Variants in VPS41 observed in about 807,000 individuals in gnomAD.
The protein encoded by VPS41 is vacuolar protein sorting-associated protein 41 homolog.
Under a neutral mutation model 130.9 loss-of-function variants are expected in VPS41, and 85 were observed. The ratio of observed to expected loss-of-function variants is 0.65; its 90% CI spans 0.55 to 0.78. VPS41 has a LOEUF of 0.78. Among genes scored for constraint, VPS41 ranks in the 30% least tolerant of loss-of-function variants. VPS41 has a pLI of 0.00. For missense variants in VPS41, 874 were observed against 1,018.7 expected (o/e 0.86, Z 1.93); for synonymous variants, 335 against 332.9 (o/e 1.01, Z -0.07).
intron 2 of VPS41, among the ~76,000 whole-genome samples, chr7:38,896,626 C>A (rs1787000246): frequency 6.6e-6 from 1 of 152,122 alleles, no homozygotes; most frequent in Admixed American, 6.6e-5. Flanking sequence ...CCAATGTGAC[C>A]CGGGGAGCCA....
At chr7:38,776,637 T>C (rs375204712) in intron 11 of VPS41, 42 bp downstream of exon 11, 13 of 1,134,034 alleles carry the variant, frequency 1.1e-5, no homozygotes, top group African/African-American at 3.0e-5. Flanking sequence ...ATGCTAAAAG[T>C]GAACCCCCAC....
intron 10 of VPS41, among the ~76,000 whole-genome samples, chr7:38,779,461 G>A (rs942741627): frequency 1.3e-5 from 2 of 152,042 alleles, no homozygotes; most frequent in South Asian, 2.1e-4. Flanking sequence ...ATCTGGTTTC[G>A]AGTACTCTCC....
Position 38,813,967 on chromosome 7 carries a change from C to T in VPS41, c.450+3850G>A, listed in dbSNP as rs533663853. Among the ~76,000 whole-genome samples, 5 of 152,214 alleles carry T rather than the reference C, an allele frequency of 3.3e-5. No homozygotes were observed. The South Asian group carries it at 1.0e-3, about 32-fold the overall frequency. On this transcript the variant is annotated intron_variant, in intron 7 of 28. Coordinates refer to ENST00000310301, the MANE Select transcript of VPS41 (RefSeq NM_014396.4). Reference sequence around the variant, plus strand: ...TGACAACCAAAGAGACAAACCAAACCCCTGATGTTCTGCCTGTTCAGCATT... The same window carrying T: ...TGACAACCAAAGAGACAAACCAAACTCCTGATGTTCTGCCTGTTCAGCATT...
intron 7 of VPS41, among the ~76,000 whole-genome samples, chr7:38,797,750 A>C (rs972338895): frequency 5.9e-5 from 9 of 152,074 alleles, no homozygotes; most frequent in African/African-American, 1.9e-4. Context: ...TCCTCTACCC[A>C]CCCCAAAAGA....
In VPS41 at chr7:38,904,248, C is replaced by T. The variant is rs1787206521; in HGVS notation, c.21+4906G>A. On this transcript the variant is annotated intron_variant, in intron 1 of 28. Transcript: ENST00000310301. ...CCTCTCTCCAAGGTGTTAATGTGGG[C>T]GCGGCGGAGGCTACTAATAATCAGC... Among the ~76,000 whole-genome samples the T allele has an allele frequency of 2.6e-5, 4 of 152,138 alleles. No homozygotes were observed. In the South Asian group the frequency reaches 6.2e-4, roughly 24 times the overall value.
intron 19 of VPS41, among the ~76,000 whole-genome samples, chr7:38,755,502 CA>C (rs1304771031): frequency 6.6e-6 from 1 of 152,144 alleles, no homozygotes; most frequent in Non-Finnish European, 1.5e-5. Context: ...TCAGGAAACA[CA>C]AACTAGACAG....
chr7:38,863,455 C>A (rs1392863548), intron 3 of VPS41, among the ~76,000 whole-genome samples: 9 of 152,134 alleles, frequency 5.9e-5, no homozygotes, highest in Non-Finnish European at 1.5e-5. Context: ...AATTTACAGG[C>A]ACTACTAAGT....
chr7:38,817,924 GCCAATGC>G, intron 6 of VPS41, 42 bp from the exon 7 acceptor site: 1 of 1,505,570 alleles, frequency 6.6e-7, no homozygotes, highest in East Asian at 2.3e-5. Context: ...AGGAGTCATG[GCCAATGC>G]ACAGAATGAA....
Position 38,762,060 on chromosome 7 carries a change from A to G in VPS41, c.1422+1395T>C, listed in dbSNP as rs188462429. On this transcript the variant is annotated intron_variant, in intron 17 of 28. Transcript: ENST00000310301. Reference sequence around the variant, plus strand: ...AGCCTCATGGTACTGCCAACTTCGAACACAAAATAAAGACAAAATAACCAG... The same window carrying G: ...AGCCTCATGGTACTGCCAACTTCGAGCACAAAATAAAGACAAAATAACCAG... 9.2e-5 allele frequency among the ~76,000 whole-genome samples: 14 copies of G among 152,322 alleles called. No individual in the cohort carries two copies. The East Asian group carries it at 2.7e-3, about 29-fold the overall frequency.
intron 2 of VPS41, among the ~76,000 whole-genome samples, chr7:38,891,695 C>T (rs1003458406): frequency 1.1e-4 from 17 of 152,080 alleles, no homozygotes; most frequent in African/African-American, 4.1e-4. Flanking sequence ...ATAAAGATAA[C>T]ATGAAAAAGG....
intron 22 of VPS41, among the ~76,000 whole-genome samples, chr7:38,747,680 G>A (rs1037747711): frequency 6.6e-6 from 1 of 152,168 alleles, no homozygotes; most frequent in Non-Finnish European, 1.5e-5. Flanking sequence ...TGCTCTATGT[G>A]TCTATTTAAG....
chr7:38,745,471 A>G, intron 23 of VPS41, 88 bp downstream of exon 23: 2 of 1,112,014 alleles, frequency 1.8e-6, no homozygotes, highest in Non-Finnish European at 2.7e-6. Context: ...CGTTGGTCTA[A>G]AACCTATGTC....
chr7:38,869,376 C>G, intron 2 of VPS41, 123 bp from the exon 3 acceptor site: 1 of 633,578 alleles, frequency 1.6e-6, no homozygotes. Flanking sequence ...ATTCCAACTA[C>G]AGCTAAAGGT....
chr7:38,784,423 A>G (rs1225591020), intron 10 of VPS41, among the ~76,000 whole-genome samples: 2 of 152,058 alleles, frequency 1.3e-5, no homozygotes, highest in Non-Finnish European at 2.9e-5. Context: ...GGATTTCTTG[A>G]GCCCAGTTTG....
rs570030843 is a variant in VPS41 at position 38,733,947 on chromosome 7, A to G, written c.2260-5156T>C. 4.4e-4 allele frequency among the ~76,000 whole-genome samples: 67 copies of G among 152,178 alleles called. No individual in the cohort carries two copies. The South Asian group carries it at 0.011, about 26-fold the overall frequency. ...TTAAAATAAAAAAAATTAGCCAGGCATAGTGGCGCATGCCTGTAGTTCCAA... is the reference window on the plus strand; with the variant it reads ...TTAAAATAAAAAAAATTAGCCAGGCGTAGTGGCGCATGCCTGTAGTTCCAA... On this transcript the variant is annotated intron_variant, in intron 25 of 28. Coordinates refer to ENST00000310301, the MANE Select transcript of VPS41 (RefSeq NM_014396.4).
At chr7:38,773,632 AGT>A (rs1409503953) in intron 12 of VPS41, among the ~76,000 whole-genome samples, 3 of 152,152 alleles carry the variant, frequency 2.0e-5, no homozygotes, top group African/African-American at 7.2e-5. Flanking sequence ...GCAGTGACTA[AGT>A]GTATTTCTCC....
intron 7 of VPS41, among the ~76,000 whole-genome samples, chr7:38,810,523 T>C (rs548015556): frequency 6.6e-6 from 1 of 152,202 alleles, no homozygotes; most frequent in African/African-American, 2.4e-5. Context: ...ACTTCACGAA[T>C]ATCTCATAGT....
chr7:38,879,187 G>C (rs560156074), intron 2 of VPS41, among the ~76,000 whole-genome samples: 1 of 152,164 alleles, frequency 6.6e-6, no homozygotes, highest in Non-Finnish European at 1.5e-5. Flanking sequence ...CCACAGTGGG[G>C]AGCCAGGGGC....
intron 7 of VPS41, among the ~76,000 whole-genome samples, chr7:38,798,960 G>C (rs1023994396): frequency 4.6e-5 from 7 of 152,210 alleles, no homozygotes; most frequent in African/African-American, 1.7e-4. Flanking sequence ...AGCCTGCCTG[G>C]GAAGTCAGGC....
Sources: allele counts gnomAD v4.1 joint callset (sites outside exome capture counted in the v4.1 genomes callset), GRCh38; gene constraint gnomAD v4.1.1; transcripts MANE v1.5; gene names NCBI Gene and HGNC (gene_info 2026-07-23, HGNC 2026-07-21).